The following FLI1 variants were observed in gnomAD, a reference collection of about 807,000 sequenced individuals.
The protein encoded by FLI1 is Fli-1 proto-oncogene, ETS transcription factor.
In FLI1, 13 loss-of-function variants were observed where a neutral mutation model predicts 53.1. The ratio of observed to expected loss-of-function variants is 0.24; its 90% CI spans 0.16 to 0.39. The LOEUF (loss-of-function observed/expected upper bound fraction) is 0.39. FLI1 is among the 10% of genes least tolerant of loss of function. FLI1 has a pLI of 1.00. For missense variants in FLI1, 424 were observed against 600.5 expected (o/e 0.71, Z 3.07); for synonymous variants, 244 against 236.7 (o/e 1.03, Z -0.28).
At chr11:128,720,096 C>A (rs1049040107) in intron 1 of FLI1, among the ~76,000 whole-genome samples, 8 of 152,158 alleles carry the variant, frequency 5.3e-5, no homozygotes, top group Admixed American at 1.3e-4. Flanking sequence ...TATTTTGGTG[C>A]CCTTCCTTCC....
chr11:128,810,829 T>A lies in FLI1; in HGVS notation c.1200T>A (p.Phe400Leu). Residue 400 changes from phenylalanine to leucine, a missense_variant, in exon 9 of 9, where the codon TTT becomes TTA. By Grantham distance (22) the Phe-to-Leu change is conservative (BLOSUM62 0). Coordinates refer to ENST00000527786, the MANE Select transcript of FLI1 (RefSeq NM_002017.5). This position sits in a 1 kb window ranked among gnomAD's most constrained non-coding sequence, Gnocchi z 6.6. ...ATGCCCACCAGCAGAAGGTGAACTT[T>A]GTCCCTCCCCATCCATCCTCCATGC... ...SYHAHQQKVN[F>L]VPPHPSSMPV... The A allele has an allele frequency of 6.2e-7, 1 of 1,614,048 alleles. No individual in the cohort carries two copies. The highest frequency in any genetic ancestry group is 1.7e-5 in the Admixed American group (1 of 60,026).
intron 1 of FLI1, among the ~76,000 whole-genome samples, chr11:128,727,145 C>T (rs894091290): frequency 6.6e-6 from 1 of 152,146 alleles, no homozygotes; most frequent in African/African-American, 2.4e-5. Context: ...GGAAGGAGCA[C>T]ACTTCAGAAT....
At chr11:128,764,720 C>G in intron 2 of FLI1, 1 of 1,561,948 alleles carries the variant, frequency 6.4e-7, no homozygotes, top group Non-Finnish European at 8.6e-7. Flanking sequence ...GAGCGGCAGC[C>G]GTGGAGCCCC....
At chr11:128,715,403 A>G (rs1179846220) in intron 1 of FLI1, among the ~76,000 whole-genome samples, 6 of 152,162 alleles carry the variant, frequency 3.9e-5, no homozygotes, top group African/African-American at 1.4e-4. Flanking sequence ...AACTTGTCCA[A>G]ATAGAAATGA....
intron 1 of FLI1, among the ~76,000 whole-genome samples, chr11:128,712,139 C>A (rs890515353): frequency 6.6e-6 from 1 of 152,170 alleles, no homozygotes; most frequent in South Asian, 2.1e-4. Flanking sequence ...GAATTAGTGT[C>A]ATCTCTGGGC....
chr11:128,757,989 A>G, intron 1 of FLI1, 126 bp from the exon 2 acceptor site: 1 of 787,376 alleles, frequency 1.3e-6, no homozygotes, highest in Non-Finnish European at 2.0e-6. Flanking sequence ...AGTGTGAGTC[A>G]AACAGGAACT....
chr11:128,793,096 C>G (rs1358616872), intron 5 of FLI1, among the ~76,000 whole-genome samples: 1 of 151,972 alleles, frequency 6.6e-6, no homozygotes, highest in Non-Finnish European at 1.5e-5. Flanking sequence ...CCAGCCTGGG[C>G]AACAGAACAA....
intron 5 of FLI1, among the ~76,000 whole-genome samples, chr11:128,791,066 G>A (rs767004348): frequency 3.3e-5 from 5 of 152,064 alleles, no homozygotes; most frequent in Admixed American, 6.5e-5. Context: ...CTGAGGGACT[G>A]TGAGGTGATC....
chr11:128,716,482 G>C (rs1030187848), intron 1 of FLI1, among the ~76,000 whole-genome samples: 1 of 152,210 alleles, frequency 6.6e-6, no homozygotes, highest in Non-Finnish European at 1.5e-5. Flanking sequence ...GGAAGTACAG[G>C]AATAAAGAGA....
intron 5 of FLI1, among the ~76,000 whole-genome samples, chr11:128,787,973 AT>A (rs1339597462): frequency 7.3e-5 from 11 of 150,414 alleles, no homozygotes; most frequent in Non-Finnish European, 8.9e-5. Context: ...CGCCCAGCTA[AT>A]TTTTTTTTGT....
chr11:128,771,661 A>G (rs1250290716), intron 3 of FLI1, among the ~76,000 whole-genome samples: 11 of 152,222 alleles, frequency 7.2e-5, no homozygotes, highest in Non-Finnish European at 1.6e-4. Context: ...CAGGCTCATT[A>G]GAAGCCGGAG....
intron 1 of FLI1, among the ~76,000 whole-genome samples, chr11:128,755,962 G>A (rs1310850849): frequency 6.6e-6 from 1 of 152,196 alleles, no homozygotes; most frequent in Non-Finnish European, 1.5e-5. Flanking sequence ...GTCCGCTGGG[G>A]TGGAGAATGG....
intron 1 of FLI1, among the ~76,000 whole-genome samples, chr11:128,707,806 A>G (rs981680183): frequency 6.6e-6 from 1 of 152,224 alleles, no homozygotes; most frequent in African/African-American, 2.4e-5. Flanking sequence ...CTTTTAAAAA[A>G]TTTAAAACCC....
chr11:128,812,845 T>A lies in FLI1; in HGVS notation c.*1857T>A, dbSNP rs1156879870. The A allele has an allele frequency of 4.3e-5, 5 of 115,762 alleles. No individual in the cohort carries two copies. The highest frequency in any genetic ancestry group is 8.9e-5 in the African/African-American group (3 of 33,690). The allele number at this position is 115,762 out of a possible 1,614,324, so 7.2% of individuals were successfully genotyped here. Reference sequence around the variant, plus strand: ...CAGGACTTTATGGCTCATGCAGATTTTTAAGGTCATTTTTCTTCCCAAGGA... The same window carrying A: ...CAGGACTTTATGGCTCATGCAGATTATTAAGGTCATTTTTCTTCCCAAGGA... On this transcript the variant is annotated 3_prime_UTR_variant, in exon 9 of 9. Coordinates refer to ENST00000527786, the MANE Select transcript of FLI1 (RefSeq NM_002017.5).
intron 1 of FLI1, among the ~76,000 whole-genome samples, chr11:128,751,830 G>GTTTTTT (rs1160739913): frequency 4.5e-5 from 6 of 133,530 alleles, no homozygotes; most frequent in African/African-American, 1.7e-4. Flanking sequence ...TTTTGGGTTT[G>GTTTTTT]TTTTTTTTTT....
intron 1 of FLI1, among the ~76,000 whole-genome samples, chr11:128,712,769 T>A (rs1938839285): frequency 6.6e-6 from 1 of 152,170 alleles, no homozygotes; most frequent in East Asian, 1.9e-4. Context: ...TTATGGGAGC[T>A]TTGGGTGGGG....
chr11:128,702,544 C>T (rs1938378444), intron 1 of FLI1, among the ~76,000 whole-genome samples: 1 of 152,240 alleles, frequency 6.6e-6, no homozygotes, highest in African/African-American at 2.4e-5. Flanking sequence ...TTCTCCCTTT[C>T]TCAGCTTTAG....
intron 1 of FLI1, among the ~76,000 whole-genome samples, chr11:128,698,013 A>G (rs959801291): frequency 8.1e-6 from 1 of 122,782 alleles, no homozygotes; most frequent in Non-Finnish European, 1.7e-5. Context: ...AGTCGGGCAG[A>G]GGCACTCTCT....
intron 2 of FLI1, 117 bp downstream of exon 2, chr11:128,758,443 G>A (rs1940983461): frequency 3.7e-6 from 3 of 808,058 alleles, no homozygotes; most frequent in African/African-American, 1.7e-5. Context: ...GCTGGGCCAG[G>A]AAGCCTGTGT....
Sources: allele counts gnomAD v4.1 joint callset (sites outside exome capture counted in the v4.1 genomes callset), GRCh38; gene constraint gnomAD v4.1.1; non-coding constraint Gnocchi (gnomAD v3.1); transcripts MANE v1.5; gene names NCBI Gene and HGNC (gene_info 2026-07-23, HGNC 2026-07-21).